The following PCDHA6 variants were observed in gnomAD, a reference collection of about 807,000 sequenced individuals.
PCDHA6 encodes the protein protocadherin alpha 6, also known as protocadherin alpha-6.
Under a neutral mutation model 60.3 loss-of-function variants are expected in PCDHA6, and 55 were observed. That is an observed-to-expected ratio of 0.91 (90% confidence interval 0.73 to 1.14). The LOEUF (loss-of-function observed/expected upper bound fraction) is 1.14, where lower values mean the gene tolerates loss of function less well. Ranked by LOEUF, PCDHA6 falls within the 50% of genes most tolerant of loss-of-function variation. The probability of loss-of-function intolerance (pLI) is 0.00; values close to 1 mark genes in which losing one functional copy is unlikely to be tolerated. For synonymous variants in PCDHA6, 652 were observed against 557.9 expected, an observed-to-expected ratio of 1.17 and a Z score of -2.38; for missense variants, 1,327 against 1,256.5, an observed-to-expected ratio of 1.06 and a Z score of -0.85.
chr5:140,828,281 T>G lies in PCDHA6; in HGVS notation c.190T>G (p.Phe64Val), dbSNP rs143573134. 144 of 1,613,970 alleles carry G rather than the reference T, an allele frequency of 8.9e-5. No homozygotes were observed. Among genetic ancestry groups the G allele is most frequent in the Non-Finnish European group, 1.2e-4 (139 of 1,180,050 alleles). The change falls in exon 1 of 4, where the codon TTC (phenylalanine) becomes GTC (valine). Residue 64 changes from phenylalanine to valine, a missense_variant. Transcript: ENST00000529310. ...LELAELVPRL[F>V]RMASKDREDL... is the part of the protein sequence containing the mutation. ...GCTGGCGGAGCTGGTGCCGCGCCTG[T>G]TCAGGATGGCCTCCAAAGACCGCGA... is the stretch of plus-strand genomic sequence containing the variant.
chr5:140,865,381 G>A (rs1260895548), intron 1 of PCDHA6: 3 of 152,122 alleles, frequency 2.0e-5, no homozygotes, highest in African/African-American at 7.2e-5. Context: ...TATAGGTAGG[G>A]TAAAGTTAAT....
At chr5:140,839,253 T>C (rs1187384033) in intron 1 of PCDHA6, among the ~76,000 whole-genome samples, 1 of 152,096 alleles carries the variant, frequency 6.6e-6, no homozygotes, top group African/African-American at 2.4e-5. Flanking sequence ...CTTTTATGCT[T>C]ACATGCATGT....
rs2150180232 is a variant in PCDHA6 at position 140,830,048 on chromosome 5, G to A, written c.1957G>A (p.Asp653Asn). 6.2e-7 allele frequency: 1 copy of A among 1,613,792 alleles called. No homozygotes were observed. The highest frequency in any genetic ancestry group is 1.1e-5 in the South Asian group (1 of 91,076). Residue 653 changes from aspartate to asparagine, a missense_variant, in exon 1 of 4, where the codon GAC (aspartate) becomes AAC (asparagine). Transcript: ENST00000529310. Reference sequence around the variant, plus strand: ...CCACCGGCTGCTGGTGCTGGTGAAAGACCACGGTGAGCCGGCGCTGACAGC... The same window carrying A: ...CCACCGGCTGCTGGTGCTGGTGAAAAACCACGGTGAGCCGGCGCTGACAGC... ...PRHRLLVLVK[D>N]HGEPALTATA...
chr5:140,982,308 A>T, intron 2 of PCDHA6, 167 bp from the exon 3 acceptor site: 1 of 1,269,286 alleles, frequency 7.9e-7, no homozygotes. Context: ...ATGCTTCTGC[A>T]GTTTATGCAG....
chr5:140,835,574 G>T (rs1192023261), intron 1 of PCDHA6: 2 of 1,613,868 alleles, frequency 1.2e-6, no homozygotes, highest in Admixed American at 1.7e-5. Flanking sequence ...CCTTCAAGTT[G>T]GTGTCCACCT....
At chr5:140,874,064 A>T (rs554642692) in intron 1 of PCDHA6, among the ~76,000 whole-genome samples, 17 of 152,334 alleles carry the variant, frequency 1.1e-4, no homozygotes, top group Admixed American at 1.1e-3. Flanking sequence ...AATTTAAATA[A>T]TTAGCCTGAT....
chr5:140,834,546 G>A, intron 1 of PCDHA6: 1 of 1,614,062 alleles, frequency 6.2e-7, no homozygotes, highest in Non-Finnish European at 8.5e-7. Context: ...CCTGGGGCTG[G>A]AGCTGGCGGA....
At chr5:140,871,215 C>T (rs782542021) in intron 1 of PCDHA6, 2 of 1,613,854 alleles carry the variant, frequency 1.2e-6, no homozygotes, top group Non-Finnish European at 1.7e-6. Flanking sequence ...TCGCCATCTG[C>T]GTGGTGTCCA....
chr5:140,869,602 C>T (rs2051279273), intron 1 of PCDHA6: 2 of 1,613,922 alleles, frequency 1.2e-6, no homozygotes, highest in Non-Finnish European at 8.5e-7. Flanking sequence ...AGAGAATGCT[C>T]TATTGACCTA....
chr5:140,858,243 C>G (rs781796341), intron 1 of PCDHA6: 1 of 1,595,896 alleles, frequency 6.3e-7, no homozygotes, highest in Non-Finnish European at 8.6e-7. Flanking sequence ...GCATGTGGGC[C>G]GGTGAAGCCC....
intron 1 of PCDHA6, chr5:140,857,988 T>A (rs370495338): frequency 6.3e-7 from 1 of 1,596,894 alleles, no homozygotes; most frequent in South Asian, 1.1e-5. Context: ...CAGCGCCTAC[T>A]GGTGCTGGTG....
At chr5:140,988,085 G>T (rs1490034264) in intron 3 of PCDHA6, among the ~76,000 whole-genome samples, 1 of 152,176 alleles carries the variant, frequency 6.6e-6, no homozygotes, top group East Asian at 1.9e-4. Flanking sequence ...ATGAGTGAGT[G>T]CAGCCTCGGG....
At chr5:140,887,692 A>G (rs886236141) in intron 1 of PCDHA6, among the ~76,000 whole-genome samples, 1 of 152,126 alleles carries the variant, frequency 6.6e-6, no homozygotes, top group Non-Finnish European at 1.5e-5. Flanking sequence ...ATTCAGGAAA[A>G]AATCAACCAT....
At chr5:140,842,325 C>A in intron 1 of PCDHA6, 2 of 1,607,094 alleles carry the variant, frequency 1.2e-6, no homozygotes, top group Non-Finnish European at 8.5e-7. Context: ...GGTCATTGCA[C>A]CGTTTTAGTG....
Position 140,966,695 on chromosome 5 carries a change from C to T in PCDHA6, c.2395-12254C>T, listed in dbSNP as rs2096038904. ...GGGTGGCACGAGCGGAGGCGGGGCC[C>T]GGGCGTGGGGCACGGCTGGGGAAGC... is the stretch of plus-strand genomic sequence containing the variant. On this transcript the variant is annotated intron_variant, in intron 1 of 3. Coordinates refer to ENST00000529310, the MANE Select transcript of PCDHA6 (RefSeq NM_018909.4). 4 of 1,358,486 alleles carry T rather than the reference C, an allele frequency of 2.9e-6. No individual in the cohort carries two copies. In the South Asian group the frequency reaches 5.2e-5, roughly 18 times the overall value. The allele number at this position is 1,358,486 out of a possible 1,614,324, so 84.2% of individuals were successfully genotyped here. A position where few individuals can be genotyped will look rare whatever the true frequency, so the allele number is the denominator to read the frequency against.
At position 140,829,501 on chromosome 5, in the gene PCDHA6, G is replaced by C. The variant is rs2150169011; in HGVS notation, c.1410G>C (p.Pro470=). 1.4e-5 allele frequency: 23 copies of C among 1,613,442 alleles called. No individual in the cohort carries two copies. The East Asian group carries it at 2.2e-4, about 16-fold the overall frequency. ...TGTTCGTGAAGGAGAACAACCCGCC[G>C]GGCTGCCACATCTTCACGGTGTCTG... ...YTVFVKENNP[P]GCHIFTVSAR... Residue 470 remains proline, a synonymous_variant, in exon 1 of 4, where the codon CCG becomes CCC. Transcript: ENST00000529310.
At position 140,828,552 on chromosome 5, in the gene PCDHA6, T is replaced by A. The variant is rs2150156635; in HGVS notation, c.461T>A (p.Leu154Gln). 6.2e-7 allele frequency: 1 copy of A among 1,614,212 alleles called. No individual in the cohort carries two copies. The highest frequency in any genetic ancestry group is 2.2e-5 in the East Asian group (1 of 44,892). The change falls in exon 1 of 4, where the codon CTG becomes CAG. Residue 154 changes from leucine to glutamine, a missense_variant. Leu to Gln is a moderately radical substitution (Grantham distance 113). Coordinates refer to ENST00000529310, the MANE Select transcript of PCDHA6 (RefSeq NM_018909.4). ...ESRLPDSVFP[L>Q]EGASDADVGS... ...AGGCTGCCAGATTCTGTGTTTCCAC[T>A]GGAGGGCGCGTCCGATGCAGATGTT...
At chr5:140,922,735 G>A (rs1370700616) in intron 1 of PCDHA6, among the ~76,000 whole-genome samples, 2 of 152,078 alleles carry the variant, frequency 1.3e-5, no homozygotes, top group Admixed American at 1.3e-4. Flanking sequence ...ACAAGGTTGA[G>A]AAAAATAAAT....
chr5:140,977,345 T>C lies in PCDHA6; in HGVS notation c.2395-1604T>C, dbSNP rs139865600. Among the ~76,000 whole-genome samples, 25 of 152,342 alleles carry C rather than the reference T, an allele frequency of 1.6e-4. No homozygotes were observed. In the East Asian group the frequency reaches 4.8e-3, roughly 29 times the overall value. ...ATGGCGAGGGGAGAGACGGTGATGATGACTGATTGATAAAAAGTATTTTAG... is the reference window on the plus strand; with the variant it reads ...ATGGCGAGGGGAGAGACGGTGATGACGACTGATTGATAAAAAGTATTTTAG... On this transcript the variant is annotated intron_variant, in intron 1 of 3. Transcript: ENST00000529310.
Sources: gnomAD v4.1 joint callset for allele counts (sites outside exome capture counted in the v4.1 genomes callset) on GRCh38, gnomAD v4.1.1 for gene constraint, MANE v1.5 for transcripts, NCBI Gene and HGNC (gene_info 2026-07-23, HGNC 2026-07-21) for gene names.